Variants in CAPN13 observed in about 807,000 individuals in gnomAD.
The protein encoded by CAPN13 is calpain 13, also known as calpain-13.
CAPN13 carries 90 observed loss-of-function variants against 98.4 expected under a neutral mutation model. That is an observed-to-expected ratio of 0.92 (90% CI 0.77 to 1.09). CAPN13 has a LOEUF of 1.09. Among genes scored for constraint, CAPN13 ranks in the 50% least tolerant of loss-of-function variants. The pLI is 0.00. For missense variants in CAPN13, 887 were observed against 841.3 expected, an observed-to-expected ratio of 1.05 and a Z score of -0.67; for synonymous variants, 330 against 305.5, an observed-to-expected ratio of 1.08 and a Z score of -0.84.
Position 30,777,630 on chromosome 2 carries a change from C to CCTT in CAPN13, c.207_208insAAG (p.Pro69_Gly70insLys). The CCTT allele has an allele frequency of 6.4e-7, 1 of 1,573,452 alleles. No homozygotes were observed. Among genetic ancestry groups the CCTT allele is most frequent in the South Asian group, 1.2e-5 (1 of 85,404 alleles). On this transcript the variant is annotated inframe_insertion, in exon 3 of 23. Coordinates refer to ENST00000295055, the MANE Select transcript of CAPN13 (RefSeq NM_144575.3). ...TCCAGGATGAAGTGAGGAGGACCCCCTGGTAGATCCTTTAGGAAAGAGGGA... is the reference window on the plus strand; with the variant it reads ...TCCAGGATGAAGTGAGGAGGACCCCCCTTTGGTAGATCCTTTAGGAAAGAGGGA...
intron 17 of CAPN13, chr2:30,737,651 A>C (rs1175073736): frequency 6.4e-6 from 1 of 157,424 alleles, no homozygotes; most frequent in Admixed American, 6.0e-5. Flanking sequence ...GCAGTTTTCC[A>C]TGTTTTGGTG....
In CAPN13 at chr2:30,730,798, G is replaced by A; in HGVS notation, c.1984-12C>T. On this transcript the variant is annotated splice_polypyrimidine_tract_variant and intron_variant, in intron 21 of 22. Transcript: ENST00000295055. ...ACCAGGCTCATCCACTGAAAAATAA[G>A]CATCATCATTACAACAATTCTTTAC... is the stretch of plus-strand genomic sequence containing the variant. The A allele has an allele frequency of 1.3e-6, 1 of 780,830 alleles. No individual in the cohort carries two copies. Among genetic ancestry groups the A allele is most frequent in the South Asian group, 1.3e-5 (1 of 74,612 alleles). The allele number at this position is 780,830 out of a possible 1,614,324, so 48.4% of individuals were successfully genotyped here.
chr2:30,746,259 G>T (rs533379053), intron 11 of CAPN13, among the ~76,000 whole-genome samples: 2 of 152,196 alleles, frequency 1.3e-5, no homozygotes, highest in African/African-American at 2.4e-5. Flanking sequence ...AAAGACAAAA[G>T]AAATTTTTCT....
chr2:30,755,132 C>G (rs72867146), intron 8 of CAPN13, among the ~76,000 whole-genome samples: 9,991 of 151,840 alleles, frequency 0.066, 612 homozygotes, highest in African/African-American at 0.16. Context: ...ACCACCCCCC[C>G]AAGCCCAACT....
intron 2 of CAPN13, 85 bp downstream of exon 2, chr2:30,787,043 G>T (rs966778929): frequency 2.8e-6 from 3 of 1,088,240 alleles, no homozygotes; most frequent in Admixed American, 2.7e-5. Context: ...GTTTGGTTTG[G>T]CTCCACCTCC....
intron 6 of CAPN13, among the ~76,000 whole-genome samples, chr2:30,763,904 A>G (rs1302576135): frequency 1.3e-5 from 2 of 152,204 alleles, no homozygotes; most frequent in African/African-American, 4.8e-5. Flanking sequence ...TGAGCACCTT[A>G]GGTAGCCTCT....
At chr2:30,780,515 A>G (rs1315401986) in intron 2 of CAPN13, among the ~76,000 whole-genome samples, 5 of 152,252 alleles carry the variant, frequency 3.3e-5, no homozygotes, top group Non-Finnish European at 5.9e-5. Context: ...TGATAAACAT[A>G]CAACAACTTT....
In CAPN13 at chr2:30,734,478, G is replaced by A. The variant is rs752286084; in HGVS notation, c.1769C>T (p.Ser590Leu). 15 of 1,613,908 alleles carry A rather than the reference G, an allele frequency of 9.3e-6. No individual in the cohort carries two copies. Among genetic ancestry groups the A allele is most frequent in the South Asian group, 8.8e-5 (8 of 91,074 alleles). ...ATTCTCTATGGCCTTCCACAAGTCCGAGCTCAGGAGGACTCCAGGGCTTGT... is the reference window on the plus strand; with the variant it reads ...ATTCTCTATGGCCTTCCACAAGTCCAAGCTCAGGAGGACTCCAGGGCTTGT... ...VQTSPGVLLS[S>L]DLWKAIENTD... Residue 590 changes from serine (S) to leucine (L), a missense_variant, in exon 19 of 23, where the codon TCG becomes TTG. Ser to Leu is a moderately radical substitution (Grantham distance 145). Coordinates refer to ENST00000295055, the MANE Select transcript of CAPN13 (RefSeq NM_144575.3).
At chr2:30,730,044 A>T (rs2147941396) in intron 22 of CAPN13, among the ~76,000 whole-genome samples, 1 of 152,330 alleles carries the variant, frequency 6.6e-6, no homozygotes, top group East Asian at 1.9e-4. Flanking sequence ...TCAGGGAAGT[A>T]GATGATTGCC....
chr2:30,723,733 A>G (rs1670768121), intron 22 of CAPN13, among the ~76,000 whole-genome samples: 1 of 152,162 alleles, frequency 6.6e-6, no homozygotes, highest in Non-Finnish European at 1.5e-5. Flanking sequence ...ATTCGTGCAT[A>G]GTCATGTTTT....
At chr2:30,803,128 G>GTA (rs1191925246) in intron 1 of CAPN13, among the ~76,000 whole-genome samples, 1 of 152,198 alleles carries the variant, frequency 6.6e-6, no homozygotes, top group Non-Finnish European at 1.5e-5. Context: ...GGGCTTAATG[G>GTA]TATATGTAGT....
intron 4 of CAPN13, among the ~76,000 whole-genome samples, chr2:30,773,213 C>T (rs927220700): frequency 1.1e-4 from 17 of 152,180 alleles, no homozygotes; most frequent in African/African-American, 3.6e-4. Flanking sequence ...TTTTCTTCTG[C>T]AGCATTGGAA....
chr2:30,802,822 C>T (rs567969460), intron 1 of CAPN13, among the ~76,000 whole-genome samples: 1 of 152,300 alleles, frequency 6.6e-6, no homozygotes, highest in South Asian at 2.1e-4. Flanking sequence ...CCCAGGAGAC[C>T]TCCACCCCTC....
At chr2:30,753,761 C>T (rs1349313640) in intron 9 of CAPN13, among the ~76,000 whole-genome samples, 1 of 152,180 alleles carries the variant, frequency 6.6e-6, no homozygotes, top group East Asian at 1.9e-4. Flanking sequence ...ACTCCGTAAA[C>T]CAGACAACCC....
rs769600284 is a variant in CAPN13, at chr2:30,754,273, A to G, written c.941+17T>C. On this transcript the variant is annotated intron_variant, in intron 9 of 22. Transcript: ENST00000295055. ...AATAAAAGATTTAAAACACCATTGT[A>G]TAAGAAGGGTAAATACCAAAACTCG... 20 of 1,588,992 alleles carry G rather than the reference A, an allele frequency of 1.3e-5. No homozygotes were observed. The highest frequency in any genetic ancestry group is 1.5e-5 in the Non-Finnish European group (17 of 1,167,590).
chr2:30,803,511 GA>G (rs1675419446), intron 1 of CAPN13, among the ~76,000 whole-genome samples: 2 of 152,196 alleles, frequency 1.3e-5, no homozygotes, highest in South Asian at 2.1e-4. Context: ...AGAGGGAAAG[GA>G]AACAAACCTC....
chr2:30,794,050 A>C (rs1674731039), intron 1 of CAPN13, among the ~76,000 whole-genome samples: 1 of 151,832 alleles, frequency 6.6e-6, no homozygotes, highest in Non-Finnish European at 1.5e-5. Context: ...GAGCCATACA[A>C]GAAAAAAAAT....
At chr2:30,762,453 A>G (rs1441347699) in intron 7 of CAPN13, among the ~76,000 whole-genome samples, 1 of 152,130 alleles carries the variant, frequency 6.6e-6, no homozygotes, top group Admixed American at 6.5e-5. Flanking sequence ...TTAAGCTTAG[A>G]CTAATGGGAT....
intron 15 of CAPN13, among the ~76,000 whole-genome samples, chr2:30,739,682 T>C (rs1032769403): frequency 4.6e-5 from 7 of 152,166 alleles, no homozygotes; most frequent in Non-Finnish European, 8.8e-5. Context: ...TCGTCCACTA[T>C]AAAGCAGCTT....
Sources: gnomAD v4.1 joint callset for allele counts (sites outside exome capture counted in the v4.1 genomes callset) on GRCh38, gnomAD v4.1.1 for gene constraint, MANE v1.5 for transcripts, NCBI Gene and HGNC (gene_info 2026-07-23, HGNC 2026-07-21) for gene names.